Variants in CYB5R2 observed in about 807,000 individuals in gnomAD.
CYB5R2 encodes NADH-cytochrome b5 reductase 2.
In CYB5R2, 35 loss-of-function variants were observed where a neutral mutation model predicts 29.8. The ratio of observed to expected loss-of-function variants is 1.17; its 90% CI spans 0.90 to 1.56. The LOEUF is 1.56. CYB5R2 is among the 40% of genes most tolerant of loss of function. CYB5R2 has a pLI of 0.00. For missense variants in CYB5R2, 419 were observed against 346.7 expected, an observed-to-expected ratio of 1.21 and a Z score of -1.66; for synonymous variants, 169 against 130.6, an observed-to-expected ratio of 1.29 and a Z score of -2.01.
chr11:7,673,082 G>A, intron 1 of CYB5R2, 191 bp from the exon 2 acceptor site: 1 of 539,720 alleles, frequency 1.9e-6, no homozygotes, highest in Non-Finnish European at 3.2e-6. Flanking sequence ...GGGTAGGGAG[G>A]GGTCAGCTGC....
At position 7,668,521 on chromosome 11, in the gene CYB5R2, T is replaced by C. The variant is rs2136118624; in HGVS notation, c.429A>G (p.Lys143=). 5 of 1,614,164 alleles carry C rather than the reference T, an allele frequency of 3.1e-6. No individual in the cohort carries two copies. Among genetic ancestry groups the C allele is most frequent in the Non-Finnish European group, 4.2e-6 (5 of 1,180,018 alleles). The change falls in exon 6 of 9, where the codon AAA becomes AAG. Residue 143 remains lysine, a synonymous_variant. Coordinates refer to ENST00000299498, the MANE Select transcript of CYB5R2 (RefSeq NM_016229.5). The stretch of plus-strand genomic sequence containing the variant: ...TTCCCAGGTGATCGGCCAGTGTTTT[T>C]TTAGGCTCACTCGTCTGGTCTGGTC... ...GIRPDQTSEP[K]KTLADHLGMI...
At chr11:7,668,378 G>A (rs1855482537) in intron 6 of CYB5R2, 100 bp downstream of exon 6, 1 of 932,686 alleles carries the variant, frequency 1.1e-6, no homozygotes, top group Non-Finnish European at 1.8e-6. Flanking sequence ...ACAGCTGGAG[G>A]CGAAATCTCT....
At chr11:7,670,009 G>A in intron 3 of CYB5R2, 3 of 386,000 alleles carry the variant, frequency 7.8e-6, no homozygotes, top group South Asian at 5.7e-5. Flanking sequence ...TGTGATCTTA[G>A]TGTAACTGCT....
upstream of CYB5R2, chr11:7,674,171 G>GAAGGAAGAATT: frequency 4.0e-6 from 5 of 1,240,462 alleles, no homozygotes; most frequent in Non-Finnish European, 5.2e-6. Flanking sequence ...GGATGCTGGG[G>GAAGGAAGAATT]AAGGAAGAAT....
Position 7,669,313 on chromosome 11 carries a change from G to C in CYB5R2, c.280C>G (p.Pro94Ala), listed in dbSNP as rs1855573077. Residue 94 changes from proline (P) to alanine (A), a missense_variant, in exon 5 of 9, where the codon CCC becomes GCC. Physicochemically the swap from Pro to Ala is conservative, Grantham distance 27. Coordinates refer to ENST00000299498, the MANE Select transcript of CYB5R2 (RefSeq NM_016229.5). ...IIKIYFKNVH[P>A]QYPEGGKMTQ... ...ATCTTCCCACCTTCAGGATATTGGG[G>C]GTGTACATTTTTGAAGTAGATCTGA... The C allele has an allele frequency of 6.2e-7, 1 of 1,612,654 alleles. No homozygotes were observed. Among genetic ancestry groups the C allele is most frequent in the African/African-American group, 1.3e-5 (1 of 74,844 alleles).
chr11:7,669,951 G>A, intron 3 of CYB5R2: 1 of 530,880 alleles, frequency 1.9e-6, no homozygotes, highest in South Asian at 2.1e-5. Flanking sequence ...CACCTCTCTG[G>A]GTTTTGGTCT....
rs1023076596 is a variant in CYB5R2, at chr11:7,665,883, G to T, written c.659-337C>A. ...GTTGTCCGGCAGGGTGTGGCCTGGTGTTAGTGGAACTGCGCAGAATTGCTC... is the reference window on the plus strand; with the variant it reads ...GTTGTCCGGCAGGGTGTGGCCTGGTTTTAGTGGAACTGCGCAGAATTGCTC... On this transcript the variant is annotated intron_variant, in intron 8 of 8. Transcript: ENST00000299498. 2.6e-6 allele frequency: 4 copies of T among 1,536,182 alleles called. No individual in the cohort carries two copies. In the South Asian group the frequency reaches 3.6e-5, roughly 14 times the overall value.
chr11:7,667,711 G>T lies in CYB5R2; in HGVS notation c.558+17C>A. The T allele has an allele frequency of 6.2e-7, 1 of 1,603,046 alleles. No individual in the cohort carries two copies. Among genetic ancestry groups the T allele is most frequent in the Non-Finnish European group, 8.5e-7 (1 of 1,169,830 alleles). Reference sequence around the variant, plus strand: ...CAAACATTCCATCCTACCACTGCAAGCTCAGCAGGAACTGACCTGGTTGGC... The same window carrying T: ...CAAACATTCCATCCTACCACTGCAATCTCAGCAGGAACTGACCTGGTTGGC... On this transcript the variant is annotated intron_variant, in intron 7 of 8. Coordinates refer to ENST00000299498, the MANE Select transcript of CYB5R2 (RefSeq NM_016229.5).
intron 6 of CYB5R2, 46 bp downstream of exon 6, chr11:7,668,432 G>T (rs756764848): frequency 7.1e-7 from 1 of 1,410,874 alleles, no homozygotes; most frequent in Non-Finnish European, 1.0e-6. Flanking sequence ...AGTCAGAATG[G>T]GTCTCGGGGC....
chr11:7,673,064 G>A (rs1419272438), intron 1 of CYB5R2, 173 bp from the exon 2 acceptor site: 4 of 591,014 alleles, frequency 6.8e-6, no homozygotes, highest in Non-Finnish European at 8.7e-6. Context: ...AGCCTGTCGT[G>A]GACCAGAGGG....
upstream of CYB5R2, chr11:7,674,149 C>A (rs374437446): frequency 3.9e-4 from 473 of 1,222,984 alleles, 1 homozygote; most frequent in South Asian, 1.5e-3. Context: ...GTCTGGGTGA[C>A]CGGGCGGAGG....
Position 7,665,531 on chromosome 11 carries a change from G to A in CYB5R2, c.674C>T (p.Ser225Leu). Reference sequence around the variant, plus strand: ...GATCATGTCGGCAGTAACGAAGCCTGAGCTGTACTTCCAGCCTGAAATGAA... The same window carrying A: ...GATCATGTCGGCAGTAACGAAGCCTAAGCTGTACTTCCAGCCTGAAATGAA... ...DRPPIGWKYS[S>L]GFVTADMIKE... is the part of the protein sequence containing the mutation. Residue 225 changes from serine (S) to leucine (L), a missense_variant, in exon 9 of 9, where the codon TCA becomes TTA. Physicochemically the swap from Ser to Leu is moderately radical, Grantham distance 145 (BLOSUM62 -2). Transcript: ENST00000299498. The A allele has an allele frequency of 1.2e-6, 2 of 1,607,680 alleles. No homozygotes were observed. Among genetic ancestry groups the A allele is most frequent in the Non-Finnish European group, 1.7e-6 (2 of 1,177,564 alleles).
chr11:7,668,940 C>T, intron 5 of CYB5R2: 1 of 623,666 alleles, frequency 1.6e-6, no homozygotes, highest in Non-Finnish European at 2.9e-6. Flanking sequence ...TTAGCAGGCA[C>T]CATTTATGTA....
chr11:7,665,100 T>A (rs72851374), downstream of CYB5R2: 86,355 of 275,254 alleles, frequency 0.31, 15,801 homozygotes, highest in Non-Finnish European at 0.38. Flanking sequence ...CTTCATGGGC[T>A]GTCTGCTTTG....
intron 8 of CYB5R2, 115 bp from the exon 9 acceptor site, chr11:7,665,661 G>A (rs1855096134): frequency 1.6e-6 from 2 of 1,255,070 alleles, no homozygotes; most frequent in Non-Finnish European, 2.2e-6. Context: ...GCTCTACAAA[G>A]GCTTAGAAGT....
At chr11:7,667,236 A>G (rs1855333600) in intron 7 of CYB5R2, 1 of 152,206 alleles carries the variant, frequency 6.6e-6, no homozygotes, top group South Asian at 2.1e-4. Context: ...TGAATGTGGA[A>G]GTTAGTAAAT....
chr11:7,672,807 C>G lies in CYB5R2; in HGVS notation c.19G>C (p.Glu7Gln), dbSNP rs752549050. 14 of 1,614,196 alleles carry G rather than the reference C, an allele frequency of 8.7e-6. No homozygotes were observed. The highest frequency in any genetic ancestry group is 1.1e-5 in the Non-Finnish European group (13 of 1,180,040). The part of the protein sequence containing the change: MNSRRR[E>Q]PITLQDPEAK... ...TCAGGGTCCTGTAAGGTGATTGGCT[C>G]TCTCCTCCTGGAGTTCATGCTCTTC... Residue 7 changes from glutamate to glutamine, a missense_variant, in exon 2 of 9, where the codon GAG becomes CAG. Coordinates refer to ENST00000299498, the MANE Select transcript of CYB5R2 (RefSeq NM_016229.5).
intron 8 of CYB5R2, chr11:7,666,088 G>A: frequency 1.5e-6 from 1 of 645,198 alleles, no homozygotes. Flanking sequence ...AAGGGGTGTG[G>A]TGGCCGTAAG....
At chr11:7,672,647 G>T in intron 2 of CYB5R2, 101 bp downstream of exon 2, 1 of 1,071,976 alleles carries the variant, frequency 9.3e-7, no homozygotes, top group East Asian at 2.7e-5. Context: ...CACACAGGGC[G>T]GCGGGGAGTG....
Sources: gnomAD v4.1 joint callset for allele counts on GRCh38, gnomAD v4.1.1 for gene constraint, MANE v1.5 for transcripts, NCBI Gene and HGNC (gene_info 2026-07-23, HGNC 2026-07-21) for gene names.